The following CCDC91 variants were observed in gnomAD, a reference collection of about 807,000 sequenced individuals.
The protein encoded by CCDC91 is coiled-coil domain containing 91.
CCDC91 carries 48 observed loss-of-function variants against 63.2 expected under a neutral mutation model. The ratio of observed to expected loss-of-function variants is 0.76; its 90% CI spans 0.60 to 0.97. The LOEUF (loss-of-function observed/expected upper bound fraction) is 0.97, where lower values mean the gene tolerates loss of function less well. Ranked by LOEUF, CCDC91 falls within the 50% of genes least tolerant of loss-of-function variation. The probability of loss-of-function intolerance (pLI) is 0.00; values close to 1 mark genes in which losing one functional copy is unlikely to be tolerated. For missense variants in CCDC91, 500 were observed against 494.6 expected (o/e 1.01, Z -0.10); for synonymous variants, 167 against 165.8 (o/e 1.01, Z -0.06).
At chr12:28,339,752 T>A (rs529192598) in intron 6 of CCDC91, among the ~76,000 whole-genome samples, 1 of 152,202 alleles carries the variant, frequency 6.6e-6, no homozygotes, top group South Asian at 2.1e-4. Context: ...GACAGACAAC[T>A]CTGGAGAAAT....
chr12:28,538,296 C>G (rs1355358270), intron 12 of CCDC91, among the ~76,000 whole-genome samples: 2 of 139,598 alleles, frequency 1.4e-5, no homozygotes, highest in Non-Finnish European at 3.1e-5. Context: ...GTGATGTTCC[C>G]CTTCCTGTGT....
chr12:28,318,341 A>G (rs987560955), intron 6 of CCDC91, among the ~76,000 whole-genome samples: 6 of 151,480 alleles, frequency 4.0e-5, no homozygotes, highest in Non-Finnish European at 7.4e-5. Flanking sequence ...TGGGCAACTT[A>G]GTGAGACCCC....
At chr12:28,417,640 TAC>T (rs1555208049) in intron 8 of CCDC91, among the ~76,000 whole-genome samples, 182 of 112,138 alleles carry the variant, frequency 1.6e-3, no homozygotes, top group African/African-American at 4.4e-3. Flanking sequence ...TATATATATA[TAC>T]ACACACACAC....
rs115495253 is a variant in CCDC91, at chr12:28,323,424, C to T, written c.576+15675C>T. Among the ~76,000 whole-genome samples, 486 of 151,628 alleles carry T rather than the reference C, an allele frequency of 3.2e-3. 1 individual carries two copies. The highest frequency in any genetic ancestry group is 0.011 in the African/African-American group (444 of 41,410). On this transcript the variant is annotated intron_variant, in intron 6 of 12. Transcript: ENST00000536442. ...CTTCTTATTTGGAATGCATCTTTGC[C>T]GTATATTAAATTTCCATATATACTT...
At chr12:28,239,598 A>G (rs1481448358) in intron 1 of CCDC91, among the ~76,000 whole-genome samples, 2 of 152,284 alleles carry the variant, frequency 1.3e-5, no homozygotes, top group East Asian at 1.9e-4. Context: ...GGAATATTAT[A>G]TGCTAGGAAA....
At chr12:28,522,163 G>A (rs752870415) in intron 12 of CCDC91, among the ~76,000 whole-genome samples, 1 of 152,150 alleles carries the variant, frequency 6.6e-6, no homozygotes, top group Non-Finnish European at 1.5e-5. Flanking sequence ...GCTCCTCCTT[G>A]TACCTCTGGT....
intron 1 of CCDC91, among the ~76,000 whole-genome samples, chr12:28,250,484 A>G (rs1482025903): frequency 6.6e-6 from 1 of 152,120 alleles, no homozygotes; most frequent in African/African-American, 2.4e-5. Flanking sequence ...AACCCCAATA[A>G]TAATTGGACA....
At chr12:28,223,043 C>T (rs189798033) in intron 1 of CCDC91, among the ~76,000 whole-genome samples, 11 of 152,214 alleles carry the variant, frequency 7.2e-5, no homozygotes, top group East Asian at 5.8e-4. Context: ...AGGTGAGCTT[C>T]GCCAGCCTAT....
At chr12:28,286,949 A>C (rs750028846) in intron 3 of CCDC91, among the ~76,000 whole-genome samples, 3 of 151,790 alleles carry the variant, frequency 2.0e-5, no homozygotes, top group Non-Finnish European at 4.4e-5. Context: ...TTTGATTTGC[A>C]TTTCTCTAGT....
Position 28,500,418 on chromosome 12 carries a change from C to T in CCDC91, c.1215+16253C>T, listed in dbSNP as rs1296432931. 5.9e-5 allele frequency among the ~76,000 whole-genome samples: 9 copies of T among 152,100 alleles called. No individual in the cohort carries two copies. The East Asian group carries it at 1.7e-3, about 29-fold the overall frequency. ...GTGTTTTAGTCATGAAGTCTTTGTC[C>T]ATGCCTATGTCCTGAATGGTATTGC... On this transcript the variant is annotated intron_variant, in intron 12 of 12. Coordinates refer to ENST00000536442, the MANE Select transcript of CCDC91 (RefSeq NM_018318.5).
At chr12:28,478,808 GA>G (rs1951270317) in intron 11 of CCDC91, among the ~76,000 whole-genome samples, 1 of 152,186 alleles carries the variant, frequency 6.6e-6, no homozygotes, top group Admixed American at 6.6e-5. Flanking sequence ...CAAAGTATAT[GA>G]AGAGACAGTT....
intron 1 of CCDC91, among the ~76,000 whole-genome samples, chr12:28,242,111 C>T (rs1342296350): frequency 6.8e-6 from 1 of 147,412 alleles, no homozygotes; most frequent in Non-Finnish European, 1.5e-5. Context: ...TCATATTTTT[C>T]TTCTAATTTT....
At chr12:28,292,564 G>T (rs1193918739) in intron 3 of CCDC91, among the ~76,000 whole-genome samples, 1 of 151,658 alleles carries the variant, frequency 6.6e-6, no homozygotes. Flanking sequence ...CCCTGTTATG[G>T]GTTGATGGCA....
At chr12:28,310,076 CA>C (rs1939161427) in intron 6 of CCDC91, among the ~76,000 whole-genome samples, 1 of 151,994 alleles carries the variant, frequency 6.6e-6, no homozygotes, top group Non-Finnish European at 1.5e-5. Flanking sequence ...GAACTAATAT[CA>C]TGCACCCTGC....
At chr12:28,194,864 C>T (rs1941616599) in intron 1 of CCDC91, among the ~76,000 whole-genome samples, 1 of 152,068 alleles carries the variant, frequency 6.6e-6, no homozygotes, top group Non-Finnish European at 1.5e-5. Context: ...GTTGTTCGTT[C>T]TTCCTGGTGG....
intron 1 of CCDC91, among the ~76,000 whole-genome samples, chr12:28,215,324 A>G (rs747398610): frequency 5.9e-5 from 9 of 152,160 alleles, no homozygotes; most frequent in Non-Finnish European, 1.2e-4. Context: ...CTTGTGAGCC[A>G]ATTTCTGAAA....
chr12:28,357,194 G>T (rs1943581604), intron 6 of CCDC91, among the ~76,000 whole-genome samples: 1 of 152,052 alleles, frequency 6.6e-6, no homozygotes, highest in Non-Finnish European at 1.5e-5. Context: ...ACCTTTATTT[G>T]TTGATTGTAT....
At chr12:28,270,763 C>T (rs1035320736) in intron 3 of CCDC91, among the ~76,000 whole-genome samples, 19 of 152,090 alleles carry the variant, frequency 1.2e-4, no homozygotes, top group African/African-American at 4.3e-4. Flanking sequence ...AAATTTACTT[C>T]TCCTGATTTT....
rs368028884 is a variant in CCDC91 at position 28,293,892 on chromosome 12, T to C, written c.110-11757T>C. Among the ~76,000 whole-genome samples, 95 of 152,172 alleles carry C rather than the reference T, an allele frequency of 6.2e-4. No homozygotes were observed. The South Asian group carries it at 0.017, about 27-fold the overall frequency. On this transcript the variant is annotated intron_variant, in intron 3 of 12. Coordinates refer to ENST00000536442, the MANE Select transcript of CCDC91 (RefSeq NM_018318.5). ...ACTGTGCTCACCTCCTTGTCTGCAG[T>C]GCGCCTGGCTCCTTGCCTGTATTTT...
Sources: gnomAD v4.1 joint callset for allele counts (sites outside exome capture counted in the v4.1 genomes callset) on GRCh38, gnomAD v4.1.1 for gene constraint, MANE v1.5 for transcripts, NCBI Gene and HGNC (gene_info 2026-07-23, HGNC 2026-07-21) for gene names.